PDPR: variants seen among roughly 807,000 people sequenced by gnomAD.
PDPR encodes the protein pyruvate dehydrogenase phosphatase regulatory subunit, mitochondrial.
A neutral mutation model predicts 102.2 loss-of-function variants in PDPR; 50 were observed. The observed-to-expected ratio is 0.49, with a 90% confidence interval of 0.39 to 0.62. The LOEUF (loss-of-function observed/expected upper bound fraction) is 0.62. Among genes scored for constraint, PDPR ranks in the 20% least tolerant of loss-of-function variants. PDPR has a pLI of 0.00. For missense variants in PDPR, 625 were observed against 1,098.2 expected (o/e 0.57, Z 6.09); for synonymous variants, 259 against 406.0 (o/e 0.64, Z 4.35).
intron 2 of PDPR, among the ~76,000 whole-genome samples, chr16:70,116,843 A>G (rs1275142523): frequency 6.6e-6 from 1 of 151,852 alleles, no homozygotes; most frequent in Non-Finnish European, 1.5e-5. Context: ...CGCCCGGCCT[A>G]AAGTTTTTTT....
At chr16:70,150,987 TG>T (rs2152117364) in intron 17 of PDPR, among the ~76,000 whole-genome samples, 1 of 152,306 alleles carries the variant, frequency 6.6e-6, no homozygotes, top group Admixed American at 6.5e-5. Flanking sequence ...CAGGCTGGAG[TG>T]TAGTGGCATG....
intron 7 of PDPR, among the ~76,000 whole-genome samples, chr16:70,130,837 A>G (rs1359114471): frequency 3.3e-5 from 5 of 152,278 alleles, no homozygotes; most frequent in South Asian, 2.1e-4. Flanking sequence ...ATTTCATTCT[A>G]TAACCTAGCA....
At chr16:70,146,901 AAAG>A (rs1467988747) in intron 16 of PDPR, among the ~76,000 whole-genome samples, 1 of 85,942 alleles carries the variant, frequency 1.2e-5, no homozygotes, top group East Asian at 3.4e-4. Context: ...CTTCATTAGC[AAAG>A]AAGTGACTAA....
chr16:70,125,308 G>A (rs541971354), intron 3 of PDPR, among the ~76,000 whole-genome samples: 287 of 152,226 alleles, frequency 1.9e-3, no homozygotes, highest in Middle Eastern at 0.01. Flanking sequence ...CCTGGGAGGT[G>A]GAGGTTGCGG....
intron 17 of PDPR, among the ~76,000 whole-genome samples, chr16:70,151,340 A>G: frequency 6.6e-6 from 1 of 152,264 alleles, no homozygotes; most frequent in East Asian, 1.9e-4. Flanking sequence ...AAGTGTTGGG[A>G]TTACCGGCGT....
intron 9 of PDPR, among the ~76,000 whole-genome samples, chr16:70,134,366 C>G (rs1455670762): frequency 6.6e-6 from 1 of 152,054 alleles, no homozygotes; most frequent in Non-Finnish European, 1.5e-5. Context: ...GCTGGAATTA[C>G]AGGCGCCCAC....
chr16:70,133,304 T>A (rs1490276060), intron 9 of PDPR, among the ~76,000 whole-genome samples: 3 of 152,076 alleles, frequency 2.0e-5, no homozygotes, highest in African/African-American at 7.2e-5. Flanking sequence ...GTGTTTTTAG[T>A]AGAGACAGGG....
chr16:70,123,279 C>T (rs1187524698), intron 3 of PDPR, among the ~76,000 whole-genome samples: 1 of 152,276 alleles, frequency 6.6e-6, no homozygotes, highest in Non-Finnish European at 1.5e-5. Flanking sequence ...CGCTGTCACT[C>T]AGGCTGGAGT....
chr16:70,120,527 G>T lies in PDPR; in HGVS notation c.35G>T (p.Arg12Ile). The T allele has an allele frequency of 5.0e-6, 8 of 1,614,006 alleles. No individual in the cohort carries two copies. The highest frequency in any genetic ancestry group is 5.9e-6 in the Non-Finnish European group (7 of 1,179,890). ...MFYRLLSIVGRQRASPGWQNW... is the reference protein window; with the variant it reads ...MFYRLLSIVGIQRASPGWQNW... ...TACCGGTTGCTGTCGATTGTTGGAA[G>T]ACAAAGAGCCAGCCCAGGATGGCAG... The change falls in exon 3 of 19, where the codon AGA becomes ATA. Residue 12 changes from arginine to isoleucine, a missense_variant. Around this residue, in one of 11 missense-constraint regions of PDPR, gnomAD observed 84 missense variants for 87.7 expected, o/e 0.96. Transcript: ENST00000288050.
intron 11 of PDPR, among the ~76,000 whole-genome samples, chr16:70,140,282 A>G (rs1965574287): frequency 6.6e-6 from 1 of 152,266 alleles, no homozygotes; most frequent in South Asian, 2.1e-4. Context: ...TTGAGGCTGC[A>G]GTGAGCCATG....
intron 3 of PDPR, among the ~76,000 whole-genome samples, chr16:70,123,143 C>T (rs1304481854): frequency 6.6e-6 from 1 of 152,200 alleles, no homozygotes; most frequent in Non-Finnish European, 1.5e-5. Flanking sequence ...CTCAGCTGAT[C>T]CACCCGCCTC....
chr16:70,162,957 A>AT (rs373080334), downstream of PDPR, among the ~76,000 whole-genome samples: 885 of 150,468 alleles, frequency 5.9e-3, 2 homozygotes, highest in African/African-American at 0.014. Context: ...CTGTTCACTA[A>AT]TTTTTTTTTT....
rs576484711 is a variant in PDPR, at chr16:70,158,824, T to A, written c.*1945T>A. The stretch of plus-strand genomic sequence containing the variant: ...ACTTACCTCCGAAGATGGAGACAGG[T>A]GACTGAGAGCTGCAGGCCTCCTCTG... On this transcript the variant is annotated 3_prime_UTR_variant, in exon 19 of 19. Coordinates refer to ENST00000288050, the MANE Select transcript of PDPR (RefSeq NM_017990.5). 6.5e-6 allele frequency: 1 copy of A among 152,828 alleles called. No homozygotes were observed. Among genetic ancestry groups the A allele is most frequent in the Admixed American group, 6.5e-5 (1 of 15,302 alleles). The allele number at this position is 152,828 out of a possible 1,614,324, so 9.5% of individuals were successfully genotyped here.
At chr16:70,116,240 C>A (rs1426616736) in intron 2 of PDPR, among the ~76,000 whole-genome samples, 1 of 141,180 alleles carries the variant, frequency 7.1e-6, no homozygotes, top group East Asian at 2.0e-4. Context: ...CGACACCTGG[C>A]TAATTTTTCT....
chr16:70,140,554 C>T (rs1156238141), intron 11 of PDPR, among the ~76,000 whole-genome samples: 1 of 152,204 alleles, frequency 6.6e-6, no homozygotes. Flanking sequence ...CGCAGTGGCT[C>T]AAGCCTGTAA....
chr16:70,156,856 C>A lies in PDPR; in HGVS notation c.2617C>A (p.Leu873Met), dbSNP rs368003737. The A allele has an allele frequency of 6.8e-6, 11 of 1,613,718 alleles. No homozygotes were observed. Among genetic ancestry groups the A allele is most frequent in the Non-Finnish European group, 8.5e-6 (10 of 1,179,822 alleles). ...GAAGCGCCGAAAGGATGACATGGAG[C>A]TGAGTGACTTACATGGGAAGTGATG... is the stretch of plus-strand genomic sequence containing the variant. ...TQKRRKDDMELSDLHGK is the reference protein window; with the variant it reads ...TQKRRKDDMEMSDLHGK The change falls in exon 19 of 19, where the codon CTG becomes ATG. Residue 873 changes from leucine (L) to methionine (M), a missense_variant. Transcript: ENST00000288050.
chr16:70,151,283 T>C (rs1210920755), intron 17 of PDPR, among the ~76,000 whole-genome samples: 1 of 152,240 alleles, frequency 6.6e-6, no homozygotes, highest in Non-Finnish European at 1.5e-5. Context: ...TTGCCCAGGC[T>C]GGACTCTAAC....
intron 6 of PDPR, 45 bp downstream of exon 6, chr16:70,129,167 A>AC (rs1964289355): frequency 6.2e-7 from 1 of 1,613,542 alleles, no homozygotes; most frequent in Non-Finnish European, 8.5e-7. Context: ...AGCAGGGAAG[A>AC]CATTACCTAA....
At chr16:70,151,167 C>T (rs2152117552) in intron 17 of PDPR, among the ~76,000 whole-genome samples, 1 of 152,380 alleles carries the variant, frequency 6.6e-6, no homozygotes, top group African/African-American at 2.4e-5. Context: ...ATCGCCTGAC[C>T]TCGTGAGCCG....
Sources: allele counts gnomAD v4.1 joint callset (sites outside exome capture counted in the v4.1 genomes callset), GRCh38; gene constraint gnomAD v4.1.1; regional missense constraint gnomAD v4.1.1; transcripts MANE v1.5; gene names NCBI Gene and HGNC (gene_info 2026-07-23, HGNC 2026-07-21).